NUMB: variants seen among roughly 807,000 people sequenced by gnomAD.
NUMB encodes NUMB endocytic adaptor protein.
NUMB carries 29 observed loss-of-function variants against 59.7 expected under a neutral mutation model. The observed-to-expected ratio is 0.49, with a 90% confidence interval of 0.36 to 0.66. The LOEUF is 0.66. Ranked by LOEUF, NUMB falls within the 30% of genes least tolerant of loss-of-function variation. The pLI is 0.00. For synonymous variants in NUMB, 288 were observed against 288.2 expected, an observed-to-expected ratio of 1.00 and a Z score of 0.01; for missense variants, 723 against 822.0, an observed-to-expected ratio of 0.88 and a Z score of 1.47.
chr14:73,440,638 G>A (rs1049281193), intron 1 of NUMB, among the ~76,000 whole-genome samples: 1 of 151,464 alleles, frequency 6.6e-6, no homozygotes, highest in East Asian at 1.9e-4. Context: ...GAGGTCAGGA[G>A]ATCGAGACCA....
At chr14:73,417,817 G>A (rs1269893325) in intron 1 of NUMB, among the ~76,000 whole-genome samples, 1 of 152,154 alleles carries the variant, frequency 6.6e-6, no homozygotes, top group East Asian at 1.9e-4. Context: ...TAAACAAAAT[G>A]TAGTCTAGGC....
At chr14:73,359,578 C>T (rs951795518) in intron 3 of NUMB, among the ~76,000 whole-genome samples, 2 of 152,138 alleles carry the variant, frequency 1.3e-5, no homozygotes, top group Non-Finnish European at 2.9e-5. Flanking sequence ...GGATGCTAGC[C>T]TACTTTTTAC....
At chr14:73,346,133 T>C (rs1389480854) in intron 4 of NUMB, among the ~76,000 whole-genome samples, 1 of 152,088 alleles carries the variant, frequency 6.6e-6, no homozygotes, top group Non-Finnish European at 1.5e-5. Context: ...AGATTAAGTT[T>C]CCTATGGGTA....
chr14:73,287,196 G>C lies in NUMB; in HGVS notation c.569C>G (p.Thr190Arg), dbSNP rs1469464272. The change falls in exon 9 of 13, where the codon ACA (threonine) becomes AGA (arginine). Residue 190 changes from threonine (T) to arginine (R), a missense_variant. Thr to Arg is a moderately conservative substitution (Grantham distance 71). This residue lies in a region of NUMB where 317 missense variants were observed against 436.6 expected (regional missense o/e 0.73). Coordinates refer to ENST00000555238, the MANE Select transcript of NUMB (RefSeq NM_001005743.2). ...TGTGACACGGAATGATCCTTCTCTT[G>C]TAAAAGTGGTCCGACTAGCATCAAA... is the stretch of plus-strand genomic sequence containing the variant. ...ATFDASRTTF[T>R]REGSFRVTTA... The C allele has an allele frequency of 6.2e-7, 1 of 1,613,684 alleles. No homozygotes were observed. Among genetic ancestry groups the C allele is most frequent in the African/African-American group, 1.3e-5 (1 of 74,864 alleles).
chr14:73,347,620 C>G (rs1469919395), intron 4 of NUMB, among the ~76,000 whole-genome samples: 1 of 152,218 alleles, frequency 6.6e-6, no homozygotes, highest in Non-Finnish European at 1.5e-5. Flanking sequence ...AGTTTTTAAT[C>G]TAATGAGGTT....
intron 8 of NUMB, among the ~76,000 whole-genome samples, chr14:73,290,210 A>C (rs1226727994): frequency 6.6e-6 from 1 of 152,204 alleles, no homozygotes; most frequent in African/African-American, 2.4e-5. Flanking sequence ...TTTGTGGTTT[A>C]CTTAGGGTCT....
chr14:73,440,564 G>A (rs867663694), intron 1 of NUMB, among the ~76,000 whole-genome samples: 2 of 151,780 alleles, frequency 1.3e-5, no homozygotes, highest in Admixed American at 6.6e-5. Context: ...AAAACAAATC[G>A]GCCAGGGGAG....
rs374579310 is a variant in NUMB, at chr14:73,276,645, C to T, written c.1889G>A (p.Arg630His). ...WAALENKSKQ[R>H]TNPSPTNPFS... ...AGGGTTGGTAGGGGAGGGATTAGTA[C>T]GCTGCTTGGACTTATTTTCTAATGC... Residue 630 changes from arginine to histidine, a missense_variant, in exon 13 of 13, where the codon CGT becomes CAT. Around this residue, in one of 2 missense-constraint regions of NUMB, gnomAD observed 406 missense variants for 385.4 expected, o/e 1.05. Transcript: ENST00000555238. The T allele has an allele frequency of 3.5e-5, 56 of 1,614,058 alleles. No individual in the cohort carries two copies. In the East Asian group the frequency reaches 8.2e-4, roughly 24 times the overall value.
intron 6 of NUMB, among the ~76,000 whole-genome samples, chr14:73,312,695 C>A (rs1351531360): frequency 1.7e-4 from 24 of 138,624 alleles, no homozygotes; most frequent in African/African-American, 6.4e-4. Context: ...GCTTGGGTGA[C>A]AGAGTGAGAC....
intron 2 of NUMB, among the ~76,000 whole-genome samples, chr14:73,407,500 T>C (rs1392935659): frequency 6.6e-6 from 1 of 152,202 alleles, no homozygotes; most frequent in Non-Finnish European, 1.5e-5. Context: ...CTAAAATATA[T>C]TGTTTCACAA....
At position 73,308,023 on chromosome 14, in the gene NUMB, G is replaced by A. The variant is rs192848742; in HGVS notation, c.234+8367C>T. On this transcript the variant is annotated intron_variant, in intron 6 of 12. Coordinates refer to ENST00000555238, the MANE Select transcript of NUMB (RefSeq NM_001005743.2). ...GCTGGGATTACAGGCGTGAGCCACC[G>A]CGCCCGGCCGGGCCTCTGTCTTAAA... Among the ~76,000 whole-genome samples, 76 of 151,644 alleles carry A rather than the reference G, an allele frequency of 5.0e-4. No homozygotes were observed. In the East Asian group the frequency reaches 0.012, roughly 25 times the overall value.
chr14:73,292,190 T>G (rs1889448873), intron 8 of NUMB, among the ~76,000 whole-genome samples: 1 of 151,968 alleles, frequency 6.6e-6, no homozygotes, highest in Non-Finnish European at 1.5e-5. Context: ...TAGGACTACA[T>G]GCATGTGCCA....
intron 2 of NUMB, among the ~76,000 whole-genome samples, chr14:73,401,916 G>C (rs1896437145): frequency 6.6e-6 from 1 of 152,082 alleles, no homozygotes; most frequent in African/African-American, 2.4e-5. Context: ...CTGGAGAGCA[G>C]TGGGGTACAA....
chr14:73,409,282 C>G (rs1429561169), intron 2 of NUMB: 1 of 152,178 alleles, frequency 6.6e-6, no homozygotes, highest in Non-Finnish European at 1.5e-5. Flanking sequence ...AAAACCAAGT[C>G]AAATATGCCA....
chr14:73,376,947 G>A (rs1894977875), intron 2 of NUMB, among the ~76,000 whole-genome samples: 1 of 152,182 alleles, frequency 6.6e-6, no homozygotes, highest in Non-Finnish European at 1.5e-5. Flanking sequence ...AAAGAGCAAA[G>A]CCAACACAAT....
At chr14:73,332,974 G>A (rs1054289659) in intron 4 of NUMB, among the ~76,000 whole-genome samples, 2 of 152,090 alleles carry the variant, frequency 1.3e-5, no homozygotes, top group Admixed American at 1.3e-4. Flanking sequence ...TCCATTGTAT[G>A]TATGTACCAC....
At chr14:73,370,600 G>A (rs1219673680) in intron 2 of NUMB, among the ~76,000 whole-genome samples, 1 of 152,040 alleles carries the variant, frequency 6.6e-6, no homozygotes, top group Admixed American at 6.6e-5. Context: ...GCTGAGGCAG[G>A]AGAATTGCTT....
chr14:73,443,752 G>A (rs111751643), intron 1 of NUMB, among the ~76,000 whole-genome samples: 254 of 149,044 alleles, frequency 1.7e-3, no homozygotes, highest in African/African-American at 6.1e-3. Context: ...CCGGGTTCAA[G>A]CAATTCTCCA....
Position 73,276,254 on chromosome 14 carries a change from T to C in NUMB, c.*324A>G, listed in dbSNP as rs902178355. 1.3e-5 allele frequency: 3 copies of C among 233,816 alleles called. No individual in the cohort carries two copies. The highest frequency in any genetic ancestry group is 4.5e-5 in the African/African-American group (2 of 44,160). 14.5% of individuals were successfully genotyped at this position (233,816 alleles called of 1,614,324 possible). ...CTGTTGTGTTTTACATTTCAGTAAA[T>C]GTGCTTGGAATATAGATTCTTGTTC... On this transcript the variant is annotated 3_prime_UTR_variant, in exon 13 of 13. Coordinates refer to ENST00000555238, the MANE Select transcript of NUMB (RefSeq NM_001005743.2).
Sources: allele counts gnomAD v4.1 joint callset (sites outside exome capture counted in the v4.1 genomes callset), GRCh38; gene constraint gnomAD v4.1.1; regional missense constraint gnomAD v4.1.1; transcripts MANE v1.5; gene names NCBI Gene and HGNC (gene_info 2026-07-23, HGNC 2026-07-21).